TDP1: variants seen among roughly 807,000 people sequenced by gnomAD.
TDP1 encodes tyr-DNA phosphodiesterase 1.
A neutral mutation model predicts 81.5 loss-of-function variants in TDP1; 64 were observed. That is an observed-to-expected ratio of 0.79 (90% CI 0.64 to 0.97). The LOEUF is 0.97. Among genes scored for constraint, TDP1 ranks in the 50% least tolerant of loss-of-function variants. The probability of loss-of-function intolerance (pLI) is 0.00; values close to 1 mark genes in which losing one functional copy is unlikely to be tolerated. For synonymous variants in TDP1, 256 were observed against 264.3 expected, an observed-to-expected ratio of 0.97 and a Z score of 0.30; for missense variants, 723 against 743.8, an observed-to-expected ratio of 0.97 and a Z score of 0.33.
chr14:90,030,243 A>C (rs1596701029), intron 15 of TDP1, among the ~76,000 whole-genome samples: 1 of 151,490 alleles, frequency 6.6e-6, no homozygotes, highest in African/African-American at 2.4e-5. Flanking sequence ...CTTCCCTGTC[A>C]CCCTCCTCTG....
At position 90,043,270 on chromosome 14, in the gene TDP1, C is replaced by A. The variant is rs35623149; in HGVS notation, c.*127C>A. 111 of 1,114,326 alleles carry A rather than the reference C, an allele frequency of 1.0e-4. No homozygotes were observed. The African/African-American group carries it at 1.3e-3, about 13-fold the overall frequency. The allele number at this position is 1,114,326 out of a possible 1,614,324, so 69.0% of individuals were successfully genotyped here. On this transcript the variant is annotated 3_prime_UTR_variant, in exon 17 of 17. Transcript: ENST00000335725. ...ACCCTTACAAAATCTTTCCAAAGGTCACTCTTATGAATGGATGTTGGTTAT... is the reference window on the plus strand; with the variant it reads ...ACCCTTACAAAATCTTTCCAAAGGTAACTCTTATGAATGGATGTTGGTTAT...
Position 90,019,324 on chromosome 14 carries a change from T to C in TDP1, c.1550T>C (p.Leu517Pro). The change falls in exon 15 of 17, where the codon CTG becomes CCG. Residue 517 changes from leucine to proline, a missense_variant. Transcript: ENST00000335725. ...IAWFLVTSAN[L>P]SKAAWGALEK... ...TGTCCTTGTCTCTGCAGCGCAAATC[T>C]GTCCAAGGCTGCCTGGGGAGCATTG... The C allele has an allele frequency of 6.2e-7, 1 of 1,607,992 alleles. No homozygotes were observed. Among genetic ancestry groups the C allele is most frequent in the Non-Finnish European group, 8.5e-7 (1 of 1,174,704 alleles).
chr14:89,965,126 T>C (rs1892782695), intron 3 of TDP1, among the ~76,000 whole-genome samples: 1 of 152,208 alleles, frequency 6.6e-6, no homozygotes, highest in South Asian at 2.1e-4. Flanking sequence ...TTGCAGTTTA[T>C]CTCTGCAACT....
In TDP1 at chr14:90,042,886, G is replaced by A. The variant is rs35424802; in HGVS notation, c.1754-184G>A. The A allele has an allele frequency of 8.4e-5, 83 of 985,416 alleles. No individual in the cohort carries two copies. In the East Asian group the frequency reaches 8.8e-3, roughly 105 times the overall value. The allele number at this position is 985,416 out of a possible 1,614,324, so 61.0% of individuals were successfully genotyped here. ...TTCATTCCCCATGTTCACTCACCTAGTGTCCTAATAGGAGCCTTCGCTAAA... is the reference window on the plus strand; with the variant it reads ...TTCATTCCCCATGTTCACTCACCTAATGTCCTAATAGGAGCCTTCGCTAAA... On this transcript the variant is annotated intron_variant, in intron 16 of 16. Transcript: ENST00000335725.
rs1046886971 is a variant in TDP1 at position 90,038,608 on chromosome 14, C to T, written c.1754-4462C>T. Among the ~76,000 whole-genome samples, 12 of 152,252 alleles carry T rather than the reference C, an allele frequency of 7.9e-5. No individual in the cohort carries two copies. The East Asian group carries it at 1.9e-3, about 24-fold the overall frequency. ...ATCCCAGCACTTTGGGAGGCAGAGG[C>T]GGGCAGATCACTTGAGGTCAGGAAT... is the stretch of plus-strand genomic sequence containing the variant. On this transcript the variant is annotated intron_variant, in intron 16 of 16. Coordinates refer to ENST00000335725, the MANE Select transcript of TDP1 (RefSeq NM_018319.4).
At chr14:90,027,030 G>A (rs754388597) in intron 15 of TDP1, among the ~76,000 whole-genome samples, 7 of 151,910 alleles carry the variant, frequency 4.6e-5, no homozygotes, top group East Asian at 1.9e-4. Flanking sequence ...TTGAGGAATC[G>A]CCACACTGTC....
intron 2 of TDP1, among the ~76,000 whole-genome samples, chr14:89,958,846 C>A (rs1406103634): frequency 6.6e-6 from 1 of 152,240 alleles, no homozygotes; most frequent in Non-Finnish European, 1.5e-5. Flanking sequence ...CATAGACTAT[C>A]ATATACTTAA....
intron 14 of TDP1, among the ~76,000 whole-genome samples, chr14:90,002,190 A>G (rs1416866676): frequency 6.6e-6 from 1 of 152,200 alleles, no homozygotes; most frequent in East Asian, 1.9e-4. Context: ...TGGGTTTAAT[A>G]GCTGTAACCC....
At chr14:90,023,137 A>C (rs1886281097) in intron 15 of TDP1, 1 of 734,374 alleles carries the variant, frequency 1.4e-6, no homozygotes, top group Non-Finnish European at 2.5e-6. Flanking sequence ...GACAACAACT[A>C]GGGTGTGGGG....
chr14:89,965,952 ATAAATAT>A (rs1337154296), intron 3 of TDP1, 188 bp from the exon 4 acceptor site: 1 of 818,092 alleles, frequency 1.2e-6, no homozygotes, highest in Non-Finnish European at 1.5e-6. Flanking sequence ...AGAATGTATG[ATAAATAT>A]TAAATACCAT....
rs113774608 is a variant in TDP1, at chr14:90,010,318, A to G, written c.1542-8998A>G. ...CTGAACTATAAAGGTTTTCATAAAC[A>G]AAGTTATAACTGGGCAAACATTTGC... On this transcript the variant is annotated intron_variant, in intron 14 of 16. Transcript: ENST00000335725. Among the ~76,000 whole-genome samples the G allele has an allele frequency of 2.0e-3, 304 of 152,380 alleles. 1 individual carries two copies. Among genetic ancestry groups the G allele is most frequent in the African/African-American group, 6.9e-3 (289 of 41,584 alleles).
At chr14:90,004,392 T>C (rs1897459268) in intron 14 of TDP1, among the ~76,000 whole-genome samples, 2 of 152,196 alleles carry the variant, frequency 1.3e-5, no homozygotes, top group Admixed American at 6.5e-5. Flanking sequence ...ACAAGTAATA[T>C]AGCAAATACT....
chr14:89,973,461 G>A (rs1006352480), intron 6 of TDP1, among the ~76,000 whole-genome samples: 5 of 152,230 alleles, frequency 3.3e-5, no homozygotes, highest in Non-Finnish European at 7.3e-5. Context: ...CTCTTGGAAA[G>A]AGCTGTGAAG....
At position 89,962,882 on chromosome 14, in the gene TDP1, AAAGG is replaced by A. The variant is rs1459537633; in HGVS notation, c.-7-222_-7-219del. 5.5e-5 allele frequency: 54 copies of A among 984,538 alleles called. No homozygotes were observed. The Admixed American group carries it at 2.6e-3, about 48-fold the overall frequency. The allele number at this position is 984,538 out of a possible 1,614,324, so 61.0% of individuals were successfully genotyped here. On this transcript the variant is annotated intron_variant, in intron 2 of 16. Transcript: ENST00000335725. ...GAGCGAGACCCTGTTTCAAAAAAAA[AAAGG>A]AAGAAAAAAGAAAGGTGACCAGGAC...
rs35540718 is a variant in TDP1, at chr14:89,986,399, T to C, written c.1131+1189T>C. Among the ~76,000 whole-genome samples, 321 of 152,346 alleles carry C rather than the reference T, an allele frequency of 2.1e-3. 2 individuals are homozygous for C. Among genetic ancestry groups the C allele is most frequent in the African/African-American group, 7.3e-3 (304 of 41,578 alleles). On this transcript the variant is annotated intron_variant, in intron 10 of 16. Transcript: ENST00000335725. ...CCGTGATTGTGAGGATTAAATGAAA[T>C]GATGAATGTAAAATAGTACAGGGCA...
rs1230138851 is a variant in TDP1 at position 89,998,442 on chromosome 14, A to ATG, written c.1541+4960_1541+4961insGT. On this transcript the variant is annotated intron_variant, in intron 14 of 16. Transcript: ENST00000335725. ...TATATATGTATGTATGTATGTATGT[A>ATG]TATGTATATGTATATATATGTATAT... 4.2e-3 allele frequency among the ~76,000 whole-genome samples: 516 copies of ATG among 122,250 alleles called. 25 individuals carry two copies. The highest frequency in any genetic ancestry group is 0.022 in the African/African-American group (479 of 22,180). The allele number at this position is 122,250 out of a possible 152,430, so 80.2% of individuals were successfully genotyped here.
intron 12 of TDP1, 152 bp from the exon 13 acceptor site, chr14:89,991,765 C>T (rs1896208800): frequency 8.3e-7 from 1 of 1,198,786 alleles, no homozygotes; most frequent in Admixed American, 2.9e-5. Context: ...CAACTATAGA[C>T]ATTTTCTTTC....
intron 5 of TDP1, among the ~76,000 whole-genome samples, chr14:89,967,988 C>T (rs374849244): frequency 5.8e-4 from 89 of 152,216 alleles, no homozygotes; most frequent in African/African-American, 2.0e-3. Flanking sequence ...AACACATTTA[C>T]GGGGCAGATT....
At chr14:89,967,320 T>A (rs1209305540) in intron 4 of TDP1, 47 bp from the exon 5 acceptor site, 1 of 1,567,262 alleles carries the variant, frequency 6.4e-7, no homozygotes. Context: ...ATGAACTGTT[T>A]GGCAGAATTA....
Sources: gnomAD v4.1 joint callset for allele counts (sites outside exome capture counted in the v4.1 genomes callset) on GRCh38, gnomAD v4.1.1 for gene constraint, MANE v1.5 for transcripts, NCBI Gene and HGNC (gene_info 2026-07-23, HGNC 2026-07-21) for gene names.